Variants in ANK3 observed in about 807,000 individuals in gnomAD.
ANK3 encodes ankyrin-3.
Under a neutral mutation model 370.9 loss-of-function variants are expected in ANK3, and 57 were observed. That is an observed-to-expected ratio of 0.15 (90% CI 0.12 to 0.19). ANK3 has a LOEUF of 0.19. ANK3 is among the 10% of genes least tolerant of loss of function. The probability of loss-of-function intolerance (pLI) is 1.00; values close to 1 mark genes in which losing one functional copy is unlikely to be tolerated. For missense variants in ANK3, 4,439 were observed against 5,302.1 expected (o/e 0.84, Z 5.06); for synonymous variants, 1,929 against 1,946.3 (o/e 0.99, Z 0.23).
intron 1 of ANK3, among the ~76,000 whole-genome samples, chr10:60,638,377 A>G (rs1440963591): frequency 6.6e-6 from 1 of 152,194 alleles, no homozygotes; most frequent in Non-Finnish European, 1.5e-5. Flanking sequence ...CAAAACTTAC[A>G]AGCAGCTCCA....
At chr10:60,197,547 C>T (rs1428069210) in intron 14 of ANK3, among the ~76,000 whole-genome samples, 2 of 152,204 alleles carry the variant, frequency 1.3e-5, no homozygotes, top group Non-Finnish European at 2.9e-5. Flanking sequence ...CCTGAACTTG[C>T]ATCTCAACTC....
At chr10:60,380,025 C>T (rs763696686) in intron 1 of ANK3, among the ~76,000 whole-genome samples, 21 of 151,940 alleles carry the variant, frequency 1.4e-4, no homozygotes, top group Non-Finnish European at 2.8e-4. Flanking sequence ...TCAGCTGACA[C>T]AAAGTGATTT....
At chr10:60,216,156 G>T (rs1211762060) in intron 8 of ANK3, among the ~76,000 whole-genome samples, 1 of 151,500 alleles carries the variant, frequency 6.6e-6, no homozygotes, top group Non-Finnish European at 1.5e-5. Context: ...TCAGTTTAAG[G>T]AGTTTTTGGG....
At chr10:60,051,536 G>C (rs925776309) in intron 42 of ANK3, 11 of 985,556 alleles carry the variant, frequency 1.1e-5, no homozygotes, top group East Asian at 1.1e-4. Flanking sequence ...CTCTGAGCTT[G>C]AATCACTCTC....
chr10:60,322,245 C>T (rs2048833739), intron 1 of ANK3, among the ~76,000 whole-genome samples: 1 of 152,008 alleles, frequency 6.6e-6, no homozygotes, highest in Non-Finnish European at 1.5e-5. Context: ...TTAATAAAAA[C>T]CTGTTAAAAT....
At chr10:60,040,904 C>T (rs575728966) in intron 43 of ANK3, among the ~76,000 whole-genome samples, 49 of 152,234 alleles carry the variant, frequency 3.2e-4, no homozygotes, top group African/African-American at 8.4e-4. Flanking sequence ...CATAAATAGA[C>T]GAATTCAAGA....
chr10:60,678,426 G>A (rs2079154345), intron 1 of ANK3, among the ~76,000 whole-genome samples: 1 of 152,050 alleles, frequency 6.6e-6, no homozygotes, highest in South Asian at 2.1e-4. Flanking sequence ...TAGCTTTTAA[G>A]AACCGCAAAA....
chr10:60,498,941 A>G (rs2075727367), intron 2 of ANK3, among the ~76,000 whole-genome samples: 1 of 152,258 alleles, frequency 6.6e-6, no homozygotes, highest in African/African-American at 2.4e-5. Flanking sequence ...ATTTCAATCT[A>G]TACTTGTCAC....
chr10:60,059,739 G>A (rs2079967681), intron 40 of ANK3: 1 of 1,613,826 alleles, frequency 6.2e-7, no homozygotes, highest in South Asian at 1.1e-5. Context: ...TACATCCACT[G>A]CTTCAGGCAT....
rs540978565 is a variant in ANK3 at position 60,149,649 on chromosome 10, C to T, written c.2615-10562G>A. ...AGAACTCTTATCTTCTGTCTATATC[C>T]AGGATATTCCATATGGCATGGCAGC... On this transcript the variant is annotated intron_variant, in intron 23 of 43. Coordinates refer to ENST00000280772, the MANE Select transcript of ANK3 (RefSeq NM_020987.5). Among the ~76,000 whole-genome samples, 5 of 152,342 alleles carry T rather than the reference C, an allele frequency of 3.3e-5. No homozygotes were observed. In the East Asian group the frequency reaches 9.7e-4, roughly 29 times the overall value.
rs138759989 is a variant in ANK3, at chr10:60,619,230, G to T, written c.58-4006C>A. ...AAGAGTCTTGAGTCTATCTTGCTAA[G>T]ACCTCATCTGATAACCAAGTCTTGA... On this transcript the variant is annotated intron_variant, in intron 1 of 43. Transcript: ENST00000373827. Among the ~76,000 whole-genome samples the T allele has an allele frequency of 9.0e-3, 1,374 of 151,926 alleles. 13 individuals carry two copies. Among genetic ancestry groups the T allele is most frequent in the Middle Eastern group, 0.027 (8 of 294 alleles).
At chr10:60,411,049 G>C (rs997288819) in intron 2 of ANK3, among the ~76,000 whole-genome samples, 3 of 152,110 alleles carry the variant, frequency 2.0e-5, no homozygotes, top group Non-Finnish European at 4.4e-5. Flanking sequence ...GGATCCACTG[G>C]GGGAACTCCA....
intron 2 of ANK3, among the ~76,000 whole-genome samples, chr10:60,559,378 C>T (rs1335911945): frequency 6.6e-6 from 1 of 152,146 alleles, no homozygotes; most frequent in African/African-American, 2.4e-5. Context: ...GTTTTCCATT[C>T]CTGAGTTACT....
chr10:60,275,337 G>A (rs1396387956), intron 4 of ANK3, among the ~76,000 whole-genome samples: 3 of 152,216 alleles, frequency 2.0e-5, no homozygotes, highest in African/African-American at 7.2e-5. Flanking sequence ...TTATAATTTT[G>A]TAGATAGTAC....
rs556822237 is a variant in ANK3 at position 60,349,975 on chromosome 10, G to A, written c.114+39450C>T. Among the ~76,000 whole-genome samples the A allele has an allele frequency of 2.0e-5, 3 of 152,310 alleles. No homozygotes were observed. In the East Asian group the frequency reaches 5.8e-4, roughly 29 times the overall value. On this transcript the variant is annotated intron_variant, in intron 1 of 43. Coordinates refer to ENST00000280772, the MANE Select transcript of ANK3 (RefSeq NM_020987.5). The stretch of plus-strand genomic sequence containing the variant: ...AATGAATGGAATAGGATACAATGGT[G>A]AGAATACACACCTAATAGCTAACAT...
At chr10:60,097,492 G>C (rs1203171287) in intron 28 of ANK3, among the ~76,000 whole-genome samples, 1 of 152,174 alleles carries the variant, frequency 6.6e-6, no homozygotes, top group Non-Finnish European at 1.5e-5. Context: ...TTGTAACTCA[G>C]TTTATTTGTA....
intron 25 of ANK3, among the ~76,000 whole-genome samples, chr10:60,128,106 C>CT (rs1227565795): frequency 6.6e-6 from 1 of 152,156 alleles, no homozygotes; most frequent in Non-Finnish European, 1.5e-5. Context: ...ACAAAGAACA[C>CT]TGTCTAAATA....
intron 1 of ANK3, chr10:60,684,556 T>C: frequency 6.3e-7 from 1 of 1,585,702 alleles, no homozygotes; most frequent in Non-Finnish European, 8.6e-7. Context: ...TCTGCCTTCA[T>C]TTCAATCCTT....
intron 1 of ANK3, among the ~76,000 whole-genome samples, chr10:60,727,865 T>C (rs1007322044): frequency 6.6e-6 from 1 of 152,202 alleles, no homozygotes; most frequent in African/African-American, 2.4e-5. Flanking sequence ...AACTATGACA[T>C]TTTGAAAAGT....
Sources: allele counts gnomAD v4.1 joint callset (sites outside exome capture counted in the v4.1 genomes callset), GRCh38; gene constraint gnomAD v4.1.1; transcripts MANE v1.5; gene names NCBI Gene and HGNC (gene_info 2026-07-23, HGNC 2026-07-21).